The following ZBTB18 variants were observed in gnomAD, a reference collection of about 807,000 sequenced individuals.
ZBTB18 encodes the protein zinc finger and BTB domain-containing protein 18.
In ZBTB18, 2 loss-of-function variants were observed where a neutral mutation model predicts 37.7. That is an observed-to-expected ratio of 0.05 (90% CI 0.02 to 0.17). The LOEUF is 0.17. Among genes scored for constraint, ZBTB18 ranks in the 10% least tolerant of loss-of-function variants. The pLI, the probability that ZBTB18 is intolerant of heterozygous loss-of-function variation, is 1.00. For synonymous variants in ZBTB18, 304 were observed against 276.5 expected (o/e 1.10, Z -0.99); for missense variants, 408 against 686.3 (o/e 0.59, Z 4.53).
chr1:244,055,289 G>T lies in ZBTB18; in HGVS notation c.1515G>T (p.Leu505Phe). The change falls in exon 2 of 2, where the codon TTG becomes TTT. Residue 505 changes from leucine (L) to phenylalanine (F), a missense_variant. Coordinates refer to ENST00000358704, the MANE Select transcript of ZBTB18 (RefSeq NM_205768.3). The surrounding 1 kb of genome is among the most constrained non-coding windows in gnomAD (Gnocchi z 7.0). ...TCCACTGTGAGTTGGTGAACTCCTTGTCGGTCAAAAGCGAAGCACTGAGCT... is the reference window on the plus strand; with the variant it reads ...TCCACTGTGAGTTGGTGAACTCCTTTTCGGTCAAAAGCGAAGCACTGAGCT... ...RKFHCELVNS[L>F]SVKSEALSLP... 6.2e-7 allele frequency: 1 copy of T among 1,613,774 alleles called. No homozygotes were observed.
chr1:244,055,951 A>G lies in ZBTB18; in HGVS notation c.*581A>G, dbSNP rs1698459362. Reference sequence around the variant, plus strand: ...AGTTCCCAGTGAGAGAAATGCTGAAAGTACACTGGGATCACTGGGACACTG... The same window carrying G: ...AGTTCCCAGTGAGAGAAATGCTGAAGGTACACTGGGATCACTGGGACACTG... On this transcript the variant is annotated 3_prime_UTR_variant, in exon 2 of 2. Transcript: ENST00000358704. The surrounding 1 kb of genome is among the most constrained non-coding windows in gnomAD (Gnocchi z 7.0). The G allele has an allele frequency of 6.0e-6, 1 of 167,112 alleles. No homozygotes were observed. Among genetic ancestry groups the G allele is most frequent in the Non-Finnish European group, 1.5e-5 (1 of 68,132 alleles). The allele number at this position is 167,112 out of a possible 1,614,324, so 10.4% of individuals were successfully genotyped here. A position where few individuals can be genotyped will look rare whatever the true frequency, so the allele number is the denominator to read the frequency against.
At chr1:244,050,850 G>A, upstream of ZBTB18, among the ~76,000 whole-genome samples, 1 of 152,206 alleles carries the variant, frequency 6.6e-6, no homozygotes, top group East Asian at 1.9e-4. Flanking sequence ...AATGGGACTG[G>A]AGATGTCAAA....
upstream of ZBTB18, among the ~76,000 whole-genome samples, chr1:244,048,616 TCCCCCGCGCCCGCCCCC>T (rs1384502581): frequency 5.7e-5 from 2 of 34,974 alleles, no homozygotes; most frequent in East Asian, 6.4e-4. Context: ...CCCCTCCCCC[TCCCCCGCGCCCGCCCCC>T]CCCCCGCCCC....
chr1:244,056,721 A>C lies in ZBTB18; in HGVS notation c.*1351A>C, dbSNP rs1030539014. ...AGATTCTATGGACTGAAAAAGCCCCAGGCTGAAAGGACTGGACTGCCTTGA... is the reference window on the plus strand; with the variant it reads ...AGATTCTATGGACTGAAAAAGCCCCCGGCTGAAAGGACTGGACTGCCTTGA... On this transcript the variant is annotated 3_prime_UTR_variant, in exon 2 of 2. Transcript: ENST00000358704. The C allele has an allele frequency of 8.0e-6, 1 of 125,614 alleles. No individual in the cohort carries two copies. The highest frequency in any genetic ancestry group is 1.7e-5 in the Non-Finnish European group (1 of 59,830). 7.8% of individuals were successfully genotyped at this position (125,614 alleles called of 1,614,324 possible).
upstream of ZBTB18, among the ~76,000 whole-genome samples, chr1:244,049,354 C>T (rs1698302525): frequency 2.2e-5 from 3 of 138,468 alleles, no homozygotes; most frequent in South Asian, 7.6e-4. Context: ...GTGCGGAGGG[C>T]GGCGGGCTGG....
chr1:244,049,680 G>A (rs576901342), upstream of ZBTB18, among the ~76,000 whole-genome samples: 2 of 152,170 alleles, frequency 1.3e-5, no homozygotes, highest in African/African-American at 4.8e-5. Flanking sequence ...CTCCTTCCCT[G>A]TGGTTTTAAC....
At position 244,053,599 on chromosome 1, in the gene ZBTB18, AGT is replaced by A. The variant is rs1698394705; in HGVS notation, c.14-185_14-184del. The A allele has an allele frequency of 5.0e-6, 2 of 400,132 alleles. No individual in the cohort carries two copies. Among genetic ancestry groups the A allele is most frequent in the Non-Finnish European group, 6.8e-6 (2 of 295,020 alleles). The allele number at this position is 400,132 out of a possible 1,614,324, so 24.8% of individuals were successfully genotyped here. A position where few individuals can be genotyped will look rare whatever the true frequency, so the allele number is the denominator to read the frequency against. ...TTGGCGGGGGTGAGGAAGTTCAGAA[AGT>A]GTGCATTTTCCTTCTGGCATTTAGG... On this transcript the variant is annotated intron_variant, in intron 1 of 1. Coordinates refer to ENST00000358704, the MANE Select transcript of ZBTB18 (RefSeq NM_205768.3). The surrounding 1 kb of genome is among the most constrained non-coding windows in gnomAD (Gnocchi z 5.2).
upstream of ZBTB18, among the ~76,000 whole-genome samples, chr1:244,050,622 A>G (rs1184424636): frequency 6.6e-6 from 1 of 152,200 alleles, no homozygotes; most frequent in Non-Finnish European, 1.5e-5. Flanking sequence ...CAGAAAGTGC[A>G]GTTTCAGCTT....
In ZBTB18 at chr1:244,056,240, T is replaced by C. The variant is rs1266676898; in HGVS notation, c.*870T>C. ...ACTTTAACGAGTGAGTTTAAAATTA[T>C]TTAATTTCCTTAGAAAAATAACACC... On this transcript the variant is annotated 3_prime_UTR_variant, in exon 2 of 2. Transcript: ENST00000358704. The C allele has an allele frequency of 1.8e-5, 3 of 167,116 alleles. No individual in the cohort carries two copies. The East Asian group carries it at 5.8e-4, about 32-fold the overall frequency. The allele number at this position is 167,116 out of a possible 1,614,324, so 10.4% of individuals were successfully genotyped here. A position where few individuals can be genotyped will look rare whatever the true frequency, so the allele number is the denominator to read the frequency against.
At chr1:244,051,050 A>G (rs1404971263), upstream of ZBTB18, among the ~76,000 whole-genome samples, 4 of 152,206 alleles carry the variant, frequency 2.6e-5, no homozygotes, top group African/African-American at 9.6e-5. Context: ...TGAGTTTTTC[A>G]ATTTCTTCTG....
chr1:244,050,641 C>G (rs893401787), upstream of ZBTB18, among the ~76,000 whole-genome samples: 1 of 151,768 alleles, frequency 6.6e-6, no homozygotes, highest in Non-Finnish European at 1.5e-5. Flanking sequence ...TTGTTGGTAC[C>G]GAGAATTGAA....
At position 244,053,762 on chromosome 1, in the gene ZBTB18, C is replaced by T. The variant is rs766282957; in HGVS notation, c.14-26C>T. 6.3e-7 allele frequency: 1 copy of T among 1,582,316 alleles called. No individual in the cohort carries two copies. Among genetic ancestry groups the T allele is most frequent in the Admixed American group, 1.8e-5 (1 of 55,482 alleles). ...CTGAAAAGTTGTTCCTGACCAGGCT[C>T]TAATGAGAAATTCCTCTCTCCCCAG... On this transcript the variant is annotated intron_variant, in intron 1 of 1. Coordinates refer to ENST00000358704, the MANE Select transcript of ZBTB18 (RefSeq NM_205768.3). The surrounding 1 kb of genome is among the most constrained non-coding windows in gnomAD (Gnocchi z 5.2).
upstream of ZBTB18, among the ~76,000 whole-genome samples, chr1:244,050,697 G>GT (rs1471558923): frequency 6.6e-6 from 1 of 152,164 alleles, no homozygotes; most frequent in Non-Finnish European, 1.5e-5. Context: ...TGAGAAGGTA[G>GT]TTGTAGATAA....
At chr1:244,051,945 TTAA>T in intron 1 of ZBTB18, among the ~76,000 whole-genome samples, 1 of 152,204 alleles carries the variant, frequency 6.6e-6, no homozygotes, top group East Asian at 1.9e-4. Context: ...CTGCAGGTTT[TTAA>T]GAAGAAGAAA....
chr1:244,051,358 T>C lies in ZBTB18; in HGVS notation c.-74T>C. 6 of 1,557,854 alleles carry C rather than the reference T, an allele frequency of 3.9e-6. No individual in the cohort carries two copies. Among genetic ancestry groups the C allele is most frequent in the South Asian group, 1.1e-5 (1 of 88,076 alleles). On this transcript the variant is annotated 5_prime_UTR_variant, in exon 1 of 2. Transcript: ENST00000358704. ...ATCTCCACTTTGCATCTGTCTCTCT[T>C]AGTCTGCTTTTTTTCCACCGATGTA...
At chr1:244,048,600 CCCCCT>C (rs1401376535), upstream of ZBTB18, among the ~76,000 whole-genome samples, 12 of 142,834 alleles carry the variant, frequency 8.4e-5, no homozygotes, top group African/African-American at 2.6e-4. Context: ...CGTCCTCCCG[CCCCCT>C]CCCCTCCCCC....
upstream of ZBTB18, among the ~76,000 whole-genome samples, chr1:244,049,361 C>T (rs1698302677): frequency 7.1e-6 from 1 of 140,366 alleles, no homozygotes; most frequent in African/African-American, 2.6e-5. Context: ...GGGCGGCGGG[C>T]TGGGGGAGGG....
upstream of ZBTB18, chr1:244,048,937 A>T (rs1165622172): frequency 1.9e-5 from 3 of 157,890 alleles, no homozygotes; most frequent in Admixed American, 6.7e-5. Context: ...GAGGAGGAGG[A>T]GGAGGAGGCG....
chr1:244,050,457 ATTG>A (rs1185378597), upstream of ZBTB18, among the ~76,000 whole-genome samples: 1 of 134,986 alleles, frequency 7.4e-6, no homozygotes, highest in Non-Finnish European at 1.6e-5. Context: ...GAAAAAAAAG[ATTG>A]TTAAGGGACA....
Sources: allele counts gnomAD v4.1 joint callset (sites outside exome capture counted in the v4.1 genomes callset), GRCh38; gene constraint gnomAD v4.1.1; non-coding constraint Gnocchi (gnomAD v3.1); transcripts MANE v1.5; gene names NCBI Gene and HGNC (gene_info 2026-07-23, HGNC 2026-07-21).